Variants in SOX5 observed in about 807,000 individuals in gnomAD.
The protein encoded by SOX5 is transcription factor SOX-5.
In SOX5, 9 loss-of-function variants were observed where a neutral mutation model predicts 92.0. That is an observed-to-expected ratio of 0.10 (90% CI 0.06 to 0.17). The LOEUF (loss-of-function observed/expected upper bound fraction) is 0.17, where lower values mean the gene tolerates loss of function less well. SOX5 is among the 10% of genes least tolerant of loss of function. SOX5 has a pLI of 1.00. For missense variants in SOX5, 642 were observed against 944.5 expected (o/e 0.68, Z 4.20); for synonymous variants, 344 against 336.3 (o/e 1.02, Z -0.25).
intron 2 of SOX5, among the ~76,000 whole-genome samples, chr12:24,361,569 GAAAC>G (rs1277527152): frequency 6.7e-6 from 1 of 148,988 alleles, no homozygotes; most frequent in Non-Finnish European, 1.5e-5. Context: ...ATTCTGCACT[GAAAC>G]AAACAGTGAA....
chr12:24,020,736 G>A (rs140054893), intron 4 of SOX5, among the ~76,000 whole-genome samples: 71 of 152,222 alleles, frequency 4.7e-4, no homozygotes, highest in Admixed American at 1.2e-3. Context: ...AATTTCATCC[G>A]GAGTCGCTTA....
At chr12:23,805,771 G>T (rs1196855630) in intron 3 of SOX5, among the ~76,000 whole-genome samples, 2 of 152,122 alleles carry the variant, frequency 1.3e-5, no homozygotes, top group Non-Finnish European at 2.9e-5. Flanking sequence ...TCATCTAAGT[G>T]AAAGTTTTAG....
intron 11 of SOX5, among the ~76,000 whole-genome samples, chr12:23,554,908 T>C (rs1944866629): frequency 1.3e-5 from 2 of 152,096 alleles, no homozygotes; most frequent in East Asian, 1.9e-4. Flanking sequence ...GTGTCTTCAT[T>C]GTAAGTAAGT....
chr12:23,798,972 A>T (rs942335046), intron 3 of SOX5, among the ~76,000 whole-genome samples: 2 of 152,012 alleles, frequency 1.3e-5, no homozygotes, highest in Admixed American at 6.6e-5. Flanking sequence ...TATTAATTTA[A>T]AAACCAAGAT....
At chr12:23,798,034 G>A (rs965585666) in intron 3 of SOX5, among the ~76,000 whole-genome samples, 1 of 151,814 alleles carries the variant, frequency 6.6e-6, no homozygotes, top group African/African-American at 2.4e-5. Flanking sequence ...TTGTTCAAAT[G>A]TCATTTTCTC....
At chr12:24,315,541 G>T (rs915709103) in intron 2 of SOX5, among the ~76,000 whole-genome samples, 3 of 151,878 alleles carry the variant, frequency 2.0e-5, no homozygotes, top group African/African-American at 7.3e-5. Context: ...TAGATGTAAA[G>T]ACATCTCTTC....
At chr12:23,892,928 G>C (rs1049285692) in intron 2 of SOX5, among the ~76,000 whole-genome samples, 1 of 152,136 alleles carries the variant, frequency 6.6e-6, no homozygotes, top group African/African-American at 2.4e-5. Flanking sequence ...TCTTGCTTTA[G>C]AGCCCAGGAG....
intron 1 of SOX5, among the ~76,000 whole-genome samples, chr12:24,479,108 G>A (rs1945698829): frequency 6.6e-6 from 1 of 152,054 alleles, no homozygotes; most frequent in Admixed American, 6.6e-5. Flanking sequence ...TTAACTCTGA[G>A]TATTCATTCA....
Position 24,029,449 on chromosome 12 carries a change from G to GT in SOX5, c.-1-133426dup, listed in dbSNP as rs1275956708. Among the ~76,000 whole-genome samples the GT allele has an allele frequency of 2.6e-5, 4 of 151,618 alleles. No homozygotes were observed. In the East Asian group the frequency reaches 7.8e-4, roughly 30 times the overall value. On this transcript the variant is annotated intron_variant, in intron 4 of 4. Coordinates refer to the SOX5 transcript ENST00000446891. ...AACACCACACCTGGCTGTTTTTTTA[G>GT]TTTTTTGTACAGATGAGACCTCCCT...
chr12:23,902,464 G>A (rs1218692187), intron 1 of SOX5, among the ~76,000 whole-genome samples: 2 of 152,090 alleles, frequency 1.3e-5, no homozygotes, highest in South Asian at 2.1e-4. Context: ...TCTAGAAAGA[G>A]GAAACTCAAA....
At chr12:23,615,612 C>T (rs749208711) in intron 8 of SOX5, among the ~76,000 whole-genome samples, 4 of 152,152 alleles carry the variant, frequency 2.6e-5, no homozygotes, top group Non-Finnish European at 5.9e-5. Flanking sequence ...TTGGTTTTCT[C>T]TTCCTGTGCT....
At chr12:23,977,056 G>A (rs575862139) in intron 4 of SOX5, among the ~76,000 whole-genome samples, 13 of 152,000 alleles carry the variant, frequency 8.6e-5, no homozygotes, top group Non-Finnish European at 1.5e-4. Flanking sequence ...TATCCTTATG[G>A]AAATATCATT....
In SOX5 at chr12:23,646,444, G is replaced by A. The variant is rs573581263; in HGVS notation, c.932-5547C>T. On this transcript the variant is annotated intron_variant, in intron 7 of 14. Coordinates refer to ENST00000451604, the MANE Select transcript of SOX5 (RefSeq NM_006940.6). Reference sequence around the variant, plus strand: ...GGCCTCCCAAAGTGCTGGGATTATGGGCATGAGCCACCGCGCCTGGTGGGA... The same window carrying A: ...GGCCTCCCAAAGTGCTGGGATTATGAGCATGAGCCACCGCGCCTGGTGGGA... Among the ~76,000 whole-genome samples the A allele has an allele frequency of 2.0e-5, 3 of 152,234 alleles. No homozygotes were observed. The South Asian group carries it at 6.2e-4, about 32-fold the overall frequency.
chr12:23,794,626 AGAT>A (rs2095532003), intron 3 of SOX5, among the ~76,000 whole-genome samples: 1 of 152,192 alleles, frequency 6.6e-6, no homozygotes, highest in South Asian at 2.1e-4. Flanking sequence ...CAATGTTTAC[AGAT>A]GATACTTCAT....
intron 3 of SOX5, among the ~76,000 whole-genome samples, chr12:24,255,010 G>A (rs117584457): frequency 0.013 from 1,984 of 152,120 alleles, 30 homozygotes; most frequent in Non-Finnish European, 0.018. Context: ...CAAATGAAGA[G>A]AAACAAGAAA....
intron 3 of SOX5, among the ~76,000 whole-genome samples, chr12:24,231,156 G>T (rs1197588203): frequency 6.6e-6 from 1 of 152,200 alleles, no homozygotes; most frequent in Non-Finnish European, 1.5e-5. Context: ...TGGACCAGTA[G>T]ATGAAGAGAG....
chr12:24,070,214 C>T (rs188079715), intron 4 of SOX5, among the ~76,000 whole-genome samples: 1 of 152,282 alleles, frequency 6.6e-6, no homozygotes, highest in African/African-American at 2.4e-5. Flanking sequence ...TATGCTGTCC[C>T]TTCCGCTCCC....
chr12:23,998,754 T>C (rs1483264052), intron 4 of SOX5, among the ~76,000 whole-genome samples: 17 of 122,314 alleles, frequency 1.4e-4, no homozygotes, highest in Non-Finnish European at 4.7e-5. Flanking sequence ...TGAGCCGAGA[T>C]CACGCCATTG....
chr12:24,325,308 A>G (rs900136602), intron 2 of SOX5, among the ~76,000 whole-genome samples: 7 of 152,222 alleles, frequency 4.6e-5, no homozygotes, highest in African/African-American at 1.4e-4. Flanking sequence ...GATGAAAATT[A>G]TGAGTGCAAT....
Sources: allele counts gnomAD v4.1 joint callset (sites outside exome capture counted in the v4.1 genomes callset), GRCh38; gene constraint gnomAD v4.1.1; transcripts MANE v1.5; gene names NCBI Gene and HGNC (gene_info 2026-07-23, HGNC 2026-07-21).